The following SETBP1 variants were observed in gnomAD, a reference collection of about 807,000 sequenced individuals.
SETBP1 encodes the protein SET-binding protein.
Under a neutral mutation model 101.0 loss-of-function variants are expected in SETBP1, and 9 were observed. The observed-to-expected ratio is 0.09, with a 90% confidence interval of 0.05 to 0.16. The LOEUF is 0.16. Among genes scored for constraint, SETBP1 ranks in the 10% least tolerant of loss-of-function variants. SETBP1 has a pLI of 1.00. For synonymous variants in SETBP1, 818 were observed against 788.5 expected (o/e 1.04, Z -0.63); for missense variants, 1,858 against 2,033.8 (o/e 0.91, Z 1.66).
chr18:44,869,016 G>A (rs554476995), intron 2 of SETBP1, among the ~76,000 whole-genome samples: 46 of 152,230 alleles, frequency 3.0e-4, no homozygotes, highest in African/African-American at 1.1e-3. Flanking sequence ...AGAGAGAGCA[G>A]CAAGAGAGAA....
At chr18:45,048,026 A>G (rs1436031472) in intron 5 of SETBP1, among the ~76,000 whole-genome samples, 3 of 152,198 alleles carry the variant, frequency 2.0e-5, no homozygotes, top group Admixed American at 2.0e-4. Context: ...CAAACACTTC[A>G]TGTTGCAGAT....
Position 44,759,674 on chromosome 18 carries a change from G to A in SETBP1, c.486+57842G>A, listed in dbSNP as rs534814769. Among the ~76,000 whole-genome samples the A allele has an allele frequency of 1.1e-4, 16 of 152,276 alleles. 1 individual carries two copies. The South Asian group carries it at 3.3e-3, about 32-fold the overall frequency. On this transcript the variant is annotated intron_variant, in intron 2 of 5. Coordinates refer to ENST00000649279, the MANE Select transcript of SETBP1 (RefSeq NM_015559.3). ...TTCCCTGAAATATTGCAAAGATATT[G>A]GACAATGAGAGAAAGGCAATTTGAT...
chr18:44,740,560 A>G (rs1327205484), intron 2 of SETBP1, among the ~76,000 whole-genome samples: 1 of 152,228 alleles, frequency 6.6e-6, no homozygotes, highest in Non-Finnish European at 1.5e-5. Flanking sequence ...AGGGGTAGAA[A>G]GCCTTTCTAG....
chr18:44,928,337 C>A (rs2070750431), intron 3 of SETBP1, among the ~76,000 whole-genome samples: 1 of 152,174 alleles, frequency 6.6e-6, no homozygotes. Context: ...CATTGATGGA[C>A]ATTTGGGTTG....
intron 2 of SETBP1, among the ~76,000 whole-genome samples, chr18:44,865,850 T>G (rs2069116839): frequency 6.6e-6 from 1 of 152,202 alleles, no homozygotes; most frequent in Admixed American, 6.5e-5. Flanking sequence ...AGCCTTGCCT[T>G]TGGTTGTTTC....
At chr18:44,720,720 G>A (rs2069567927) in intron 2 of SETBP1, among the ~76,000 whole-genome samples, 1 of 152,144 alleles carries the variant, frequency 6.6e-6, no homozygotes, top group Non-Finnish European at 1.5e-5. Flanking sequence ...TAGGTGGGAG[G>A]GAAAGGGGTA....
rs181133295 is a variant in SETBP1 at position 44,955,248 on chromosome 18, G to A, written c.4000+1908G>A. On this transcript the variant is annotated intron_variant, in intron 4 of 5. Transcript: ENST00000649279. ...CTTTTCATGTGCTTGCATTTATATC[G>A]CATTCATCACTTTATTAAAACTCCT... Among the ~76,000 whole-genome samples the A allele has an allele frequency of 5.3e-5, 8 of 152,170 alleles. No individual in the cohort carries two copies. In the East Asian group the frequency reaches 1.4e-3, roughly 26 times the overall value.
chr18:44,902,711 T>A (rs2070080337), intron 3 of SETBP1, among the ~76,000 whole-genome samples: 1 of 152,220 alleles, frequency 6.6e-6, no homozygotes, highest in Non-Finnish European at 1.5e-5. Context: ...TGATATTCTG[T>A]CTCTAGCAGG....
chr18:44,813,074 T>TA (rs1042406085), intron 2 of SETBP1, among the ~76,000 whole-genome samples: 44 of 146,006 alleles, frequency 3.0e-4, no homozygotes, highest in South Asian at 4.4e-4. Flanking sequence ...TGAGTCCACT[T>TA]AAAAAAAAAA....
intron 1 of SETBP1, among the ~76,000 whole-genome samples, chr18:44,699,883 T>A (rs1338917086): frequency 1.3e-5 from 2 of 152,214 alleles, no homozygotes; most frequent in East Asian, 3.9e-4. Flanking sequence ...AGGCTTCCAG[T>A]TCTTGGTTAT....
chr18:44,813,746 G>A (rs967976730), intron 2 of SETBP1, among the ~76,000 whole-genome samples: 2 of 152,208 alleles, frequency 1.3e-5, no homozygotes, highest in African/African-American at 2.4e-5. Flanking sequence ...TCTGCAGAAC[G>A]TGCCAAGCAG....
intron 4 of SETBP1, among the ~76,000 whole-genome samples, chr18:44,980,632 C>T (rs1215178556): frequency 6.6e-6 from 1 of 152,120 alleles, no homozygotes; most frequent in Non-Finnish European, 1.5e-5. Flanking sequence ...GGTTGAGGAG[C>T]CTTGAAAGGC....
intron 2 of SETBP1, among the ~76,000 whole-genome samples, chr18:44,868,442 C>T (rs780578400): frequency 2.6e-5 from 4 of 151,868 alleles, no homozygotes; most frequent in Admixed American, 6.6e-5. Flanking sequence ...CACCTGTAAT[C>T]CCAGCACTTT....
chr18:44,931,331 C>T (rs1047711299), intron 3 of SETBP1, among the ~76,000 whole-genome samples: 5 of 152,166 alleles, frequency 3.3e-5, no homozygotes, highest in Admixed American at 2.6e-4. Flanking sequence ...TGTTCTTTTA[C>T]ATTTGCTGAG....
intron 4 of SETBP1, among the ~76,000 whole-genome samples, chr18:45,031,413 A>G (rs550586193): frequency 9.9e-5 from 15 of 152,180 alleles, no homozygotes; most frequent in Non-Finnish European, 2.2e-4. Flanking sequence ...AATCCACACA[A>G]CAACGTCATT....
chr18:44,737,746 T>C (rs2070001500), intron 2 of SETBP1, among the ~76,000 whole-genome samples: 1 of 152,242 alleles, frequency 6.6e-6, no homozygotes, highest in African/African-American at 2.4e-5. Flanking sequence ...TTCCAATAGC[T>C]GGCTGGAAGT....
chr18:45,006,169 G>A (rs1033840829), intron 4 of SETBP1, among the ~76,000 whole-genome samples: 6 of 151,762 alleles, frequency 4.0e-5, no homozygotes, highest in Admixed American at 2.6e-4. Flanking sequence ...GGCCAGGATG[G>A]TTTCAATCTC....
chr18:44,787,518 A>G (rs1411072113), intron 2 of SETBP1, among the ~76,000 whole-genome samples: 1 of 152,212 alleles, frequency 6.6e-6, no homozygotes, highest in Non-Finnish European at 1.5e-5. Context: ...TGGGGAAGTC[A>G]ATTAAAAACA....
In SETBP1 at chr18:44,692,516, A is replaced by C. The variant is rs74747367; in HGVS notation, c.-172-8659A>C. On this transcript the variant is annotated intron_variant, in intron 1 of 5. Transcript: ENST00000649279. Reference sequence around the variant, plus strand: ...TACTCCCAGTGTTCTCTATGCTTCCAGCTGTGCAGAGACTCATTTAAAATA... The same window carrying C: ...TACTCCCAGTGTTCTCTATGCTTCCCGCTGTGCAGAGACTCATTTAAAATA... 1.6e-3 allele frequency among the ~76,000 whole-genome samples: 248 copies of C among 152,340 alleles called. 4 individuals carry two copies. The East Asian group carries it at 0.021, about 13-fold the overall frequency.
Sources: gnomAD v4.1 joint callset for allele counts (sites outside exome capture counted in the v4.1 genomes callset) on GRCh38, gnomAD v4.1.1 for gene constraint, MANE v1.5 for transcripts, NCBI Gene and HGNC (gene_info 2026-07-23, HGNC 2026-07-21) for gene names.